Variants in CA6 observed in about 807,000 individuals in gnomAD.
CA6 encodes carbonic anhydrase 6.
Under a neutral mutation model 35.9 loss-of-function variants are expected in CA6, and 28 were observed. The ratio of observed to expected loss-of-function variants is 0.78; its 90% CI spans 0.58 to 1.07. The LOEUF is 1.07. Ranked by LOEUF, CA6 falls within the 50% of genes least tolerant of loss-of-function variation. CA6 has a pLI of 0.00. For missense variants in CA6, 377 were observed against 382.0 expected, an observed-to-expected ratio of 0.99 and a Z score of 0.11; for synonymous variants, 148 against 152.6, an observed-to-expected ratio of 0.97 and a Z score of 0.22.
intron 5 of CA6, among the ~76,000 whole-genome samples, chr1:8,967,028 G>T (rs1484329004): frequency 1.3e-5 from 2 of 151,822 alleles, no homozygotes; most frequent in South Asian, 2.1e-4. Flanking sequence ...TCCCTGTGTT[G>T]CCCAGGCTGG....
At chr1:8,972,952 A>G (rs1159237204) in intron 7 of CA6, among the ~76,000 whole-genome samples, 1 of 152,160 alleles carries the variant, frequency 6.6e-6, no homozygotes, top group Non-Finnish European at 1.5e-5. Flanking sequence ...CCTTTGTCCG[A>G]AAGTGATGTC....
chr1:8,946,812 T>G (rs1639378865), intron 1 of CA6, among the ~76,000 whole-genome samples: 1 of 149,098 alleles, frequency 6.7e-6, no homozygotes, highest in Non-Finnish European at 1.5e-5. Flanking sequence ...TTTGTTTTTT[T>G]TTTTTTTTTG....
In CA6 at chr1:8,962,676, G is replaced by A. The variant is rs1639870934; in HGVS notation, c.571+20G>A. 6.2e-7 allele frequency: 1 copy of A among 1,601,018 alleles called. No homozygotes were observed. The highest frequency in any genetic ancestry group is 1.7e-5 in the Admixed American group (1 of 59,980). The stretch of plus-strand genomic sequence containing the variant: ...ACCCAGGTAAGGGAAGCCAACTGTG[G>A]CTGCAGGAGGGAAGGGGAATGAGTG... On this transcript the variant is annotated intron_variant, in intron 5 of 7. Transcript: ENST00000377443.
At chr1:8,953,932 T>C (rs1639607236) in intron 2 of CA6, among the ~76,000 whole-genome samples, 1 of 152,058 alleles carries the variant, frequency 6.6e-6, no homozygotes. Context: ...CCTACCAAAA[T>C]CAAGATGGCC....
intron 2 of CA6, chr1:8,952,056 G>A (rs1639552703): frequency 6.5e-6 from 1 of 152,826 alleles, no homozygotes; most frequent in African/African-American, 2.4e-5. Context: ...CTTGCCTCAA[G>A]TGCTCTGCCC....
intron 7 of CA6, 104 bp downstream of exon 7, chr1:8,971,085 A>G: frequency 1.2e-6 from 1 of 805,782 alleles, no homozygotes; most frequent in Non-Finnish European, 2.1e-6. Context: ...AAGGAGAGTC[A>G]TTTCAGTAGC....
In CA6 at chr1:8,963,230, C is replaced by G. The variant is rs975406361; in HGVS notation, c.571+574C>G. On this transcript the variant is annotated intron_variant, in intron 5 of 7. Coordinates refer to ENST00000377443, the MANE Select transcript of CA6 (RefSeq NM_001215.4). This position sits in a 1 kb window ranked among gnomAD's most constrained non-coding sequence, Gnocchi z 4.1. ...TCCCAGCCTCCCAGTCCTCTGACTT[C>G]AGCACCCAGCCCCTCCTGCAATTCA... Among the ~76,000 whole-genome samples the G allele has an allele frequency of 1.2e-4, 18 of 152,172 alleles. No homozygotes were observed. The highest frequency in any genetic ancestry group is 2.5e-4 in the Non-Finnish European group (17 of 68,026).
intron 1 of CA6, among the ~76,000 whole-genome samples, chr1:8,946,342 C>T (rs865827414): frequency 1.1e-4 from 16 of 151,446 alleles, no homozygotes; most frequent in African/African-American, 3.7e-4. Context: ...AAGAGTCCTC[C>T]TTTAGGGCAT....
At position 8,971,478 on chromosome 1, in the gene CA6, A is replaced by AT. The variant is rs1192554629; in HGVS notation, c.844+509dup. Reference sequence around the variant, plus strand: ...AGGCACCTACCACCACGCCCGGCTAATTTTTTTTTTTTAACTGAAATGGGG... The same window carrying AT: ...AGGCACCTACCACCACGCCCGGCTAATTTTTTTTTTTTTAACTGAAATGGGG... On this transcript the variant is annotated intron_variant, in intron 7 of 7. Transcript: ENST00000377443. Among the ~76,000 whole-genome samples the AT allele has an allele frequency of 5.5e-3, 801 of 146,128 alleles. 5 individuals are homozygous for AT. The highest frequency in any genetic ancestry group is 0.017 in the African/African-American group (673 of 40,070).
intron 3 of CA6, among the ~76,000 whole-genome samples, chr1:8,958,115 C>T (rs1003642523): frequency 6.6e-6 from 1 of 152,156 alleles, no homozygotes; most frequent in Non-Finnish European, 1.5e-5. Context: ...TCACAGCCCA[C>T]AGGGTGTGGC....
At chr1:8,959,435 C>T (rs1639776240) in intron 4 of CA6, among the ~76,000 whole-genome samples, 1 of 151,994 alleles carries the variant, frequency 6.6e-6, no homozygotes, top group South Asian at 2.1e-4. Context: ...CTGCCTCAGC[C>T]TCCCAAGTAG....
chr1:8,947,848 A>G (rs1016016742), intron 1 of CA6, among the ~76,000 whole-genome samples: 1 of 137,058 alleles, frequency 7.3e-6, no homozygotes, highest in Admixed American at 7.0e-5. Flanking sequence ...TAGTACAGAC[A>G]CCTTTTTTTT....
chr1:8,968,833 T>C (rs1640035945), intron 6 of CA6, among the ~76,000 whole-genome samples: 1 of 150,234 alleles, frequency 6.7e-6, no homozygotes, highest in South Asian at 2.1e-4. Flanking sequence ...CTGGCCAACA[T>C]GGTGGAACCC....
chr1:8,957,226 G>A lies in CA6; in HGVS notation c.349G>A (p.Ala117Thr), dbSNP rs772772794. 3.7e-6 allele frequency: 6 copies of A among 1,614,148 alleles called. No individual in the cohort carries two copies. Among genetic ancestry groups the A allele is most frequent in the Non-Finnish European group, 5.1e-6 (6 of 1,180,008 alleles). ...GCAGATGCACTTTCACTGGGGAGGTGCGTCCTCGGAGATCAGCGGCTCTGA... is the reference window on the plus strand; with the variant it reads ...GCAGATGCACTTTCACTGGGGAGGTACGTCCTCGGAGATCAGCGGCTCTGA... ...AQQMHFHWGG[A>T]SSEISGSEHT... Residue 117 changes from alanine (A) to threonine (T), a missense_variant, in exon 3 of 8, where the codon GCG (alanine) becomes ACG (threonine). Transcript: ENST00000377443.
chr1:8,960,789 C>CACACACACACACATATATATATAT (rs59987426), intron 4 of CA6, among the ~76,000 whole-genome samples: 3 of 116,974 alleles, frequency 2.6e-5, no homozygotes, highest in Admixed American at 9.0e-5. Context: ...CACACACACA[C>CACACACACACACATATATATATAT]ATATATATAA....
intron 6 of CA6, among the ~76,000 whole-genome samples, chr1:8,968,971 T>C (rs1160159438): frequency 6.6e-6 from 1 of 151,552 alleles, no homozygotes; most frequent in African/African-American, 2.4e-5. Context: ...TGAGCCAAGA[T>C]TGCACTACTG....
intron 6 of CA6, among the ~76,000 whole-genome samples, chr1:8,970,518 AT>A (rs548153131): frequency 6.6e-6 from 1 of 151,308 alleles, no homozygotes; most frequent in Non-Finnish European, 1.5e-5. Flanking sequence ...TTTATTTTTT[AT>A]TTTTTTTGAG....
Position 8,970,901 on chromosome 1 carries a change from G to T in CA6, c.764G>T (p.Arg255Leu). The T allele has an allele frequency of 1.2e-6, 2 of 1,613,832 alleles. No individual in the cohort carries two copies. Among genetic ancestry groups the T allele is most frequent in the Non-Finnish European group, 8.5e-7 (1 of 1,179,770 alleles). Reference sequence around the variant, plus strand: ...CTGGAGAATTCCTTACTGGATCACCGCAACAAGACCATCCACAACGATTAC... The same window carrying T: ...CTGGAGAATTCCTTACTGGATCACCTCAACAAGACCATCCACAACGATTAC... ...WKLENSLLDH[R>L]NKTIHNDYRR... The change falls in exon 7 of 8, where the codon CGC becomes CTC. Residue 255 changes from arginine to leucine, a missense_variant. By Grantham distance (102) the Arg-to-Leu change is moderately radical. Transcript: ENST00000377443.
At chr1:8,959,136 A>G (rs912184306) in intron 4 of CA6, 134 bp downstream of exon 4, 2 of 634,540 alleles carry the variant, frequency 3.2e-6, no homozygotes, top group Admixed American at 5.7e-5. Flanking sequence ...TCTTGGAAAC[A>G]TTGACTCGAT....
Sources: gnomAD v4.1 joint callset for allele counts (sites outside exome capture counted in the v4.1 genomes callset) on GRCh38, gnomAD v4.1.1 for gene constraint, Gnocchi (gnomAD v3.1) non-coding constraint, MANE v1.5 for transcripts, NCBI Gene and HGNC (gene_info 2026-07-23, HGNC 2026-07-21) for gene names.